DAGLB: variants seen among roughly 807,000 people sequenced by gnomAD.
The protein encoded by DAGLB is diacylglycerol lipase beta.
DAGLB carries 66 observed loss-of-function variants against 72.1 expected under a neutral mutation model. That is an observed-to-expected ratio of 0.92 (90% CI 0.75 to 1.12). The LOEUF is 1.12. Ranked by LOEUF, DAGLB falls within the 50% of genes most tolerant of loss-of-function variation. The probability of loss-of-function intolerance (pLI) is 0.00; values close to 1 mark genes in which losing one functional copy is unlikely to be tolerated. For missense variants in DAGLB, 1,065 were observed against 884.9 expected (o/e 1.20, Z -2.58); for synonymous variants, 414 against 359.5 (o/e 1.15, Z -1.71).
intron 6 of DAGLB, among the ~76,000 whole-genome samples, chr7:6,426,754 T>C (rs1336161824): frequency 6.6e-6 from 1 of 152,106 alleles, no homozygotes; most frequent in East Asian, 1.9e-4. Flanking sequence ...CACAGCCAAC[T>C]CCGTAGAAAA....
chr7:6,447,718 C>T (rs773991490), intron 1 of DAGLB, 30 bp downstream of exon 1: 20 of 1,603,546 alleles, frequency 1.2e-5, no homozygotes, highest in Middle Eastern at 1.7e-4. Context: ...CTCCGGTGGG[C>T]TCCACCGCCC....
At chr7:6,416,381 TA>T in intron 11 of DAGLB, 1 of 388,040 alleles carries the variant, frequency 2.6e-6, no homozygotes. Flanking sequence ...CCACCACTAC[TA>T]AAAATACAAA....
chr7:6,445,886 G>T, intron 2 of DAGLB, 67 bp downstream of exon 2: 2 of 1,472,300 alleles, frequency 1.4e-6, no homozygotes, highest in Non-Finnish European at 1.8e-6. Flanking sequence ...GAATTGTATG[G>T]TATGTGAATT....
chr7:6,417,005 C>T, intron 9 of DAGLB, 84 bp from the exon 10 acceptor site: 1 of 1,455,042 alleles, frequency 6.9e-7, no homozygotes, highest in Non-Finnish European at 9.6e-7. Context: ...TGACGCTGTG[C>T]ACTGATGTGT....
At chr7:6,432,214 T>C (rs535315183) in intron 5 of DAGLB, among the ~76,000 whole-genome samples, 9 of 152,010 alleles carry the variant, frequency 5.9e-5, no homozygotes, top group African/African-American at 2.2e-4. Flanking sequence ...TAGCTGAGTG[T>C]GATGGTATGC....
chr7:6,412,932 C>A, intron 12 of DAGLB, 34 bp downstream of exon 12: 1 of 1,613,298 alleles, frequency 6.2e-7, no homozygotes, highest in East Asian at 2.2e-5. Context: ...ACTCCCAACC[C>A]CCCAGCCCTG....
chr7:6,430,018 T>C (rs1026232949), intron 6 of DAGLB, among the ~76,000 whole-genome samples: 1 of 151,016 alleles, frequency 6.6e-6, no homozygotes, highest in Non-Finnish European at 1.5e-5. Context: ...CACTCCAGCC[T>C]GGGCAACAGA....
At position 6,409,945 on chromosome 7, in the gene DAGLB, G is replaced by A. The variant is rs758645677; in HGVS notation, c.1911C>T (p.Thr637=). ...SKILIGPKML[T]DHMPDILMRA... is the part of the protein sequence containing the mutation. ...GCATCAGGATGTCTGGCATGTGGTC[G>A]GTGAGCATCTTCGGACCTATGAGTA... Residue 637 remains threonine (T), a synonymous_variant, in exon 15 of 15, where the codon ACC becomes ACT. Transcript: ENST00000297056. The A allele has an allele frequency of 2.2e-5, 35 of 1,614,032 alleles. No homozygotes were observed. The highest frequency in any genetic ancestry group is 2.7e-5 in the Non-Finnish European group (32 of 1,180,052).
Position 6,434,929 on chromosome 7 carries a change from T to A in DAGLB, c.511A>T (p.Ser171Cys), listed in dbSNP as rs765378006. ...KMAPYSSAGP[S>C]HLDSHDSSQL... ...CTTGAATCATGACTATCCAGGTGGC[T>A]GGGGCCGGCAGAGGAATATGGAGCC... The change falls in exon 4 of 15, where the codon AGC becomes TGC. Residue 171 changes from serine to cysteine, a missense_variant. Coordinates refer to ENST00000297056, the MANE Select transcript of DAGLB (RefSeq NM_139179.4). The A allele has an allele frequency of 1.9e-6, 3 of 1,614,004 alleles. No individual in the cohort carries two copies. The East Asian group carries it at 6.7e-5, about 36-fold the overall frequency.
Position 6,412,886 on chromosome 7 carries a change from G to A in DAGLB, c.1497-3C>T. ...CTTCCAAGTTGGTCACACTGAGCCTGTTTAGCAAAGGGGCACACTGAGGCT... is the reference window on the plus strand; with the variant it reads ...CTTCCAAGTTGGTCACACTGAGCCTATTTAGCAAAGGGGCACACTGAGGCT... On this transcript the variant is annotated splice_polypyrimidine_tract_variant and splice_region_variant and intron_variant, in intron 12 of 14. Coordinates refer to ENST00000297056, the MANE Select transcript of DAGLB (RefSeq NM_139179.4). 3 of 1,610,342 alleles carry A rather than the reference G, an allele frequency of 1.9e-6. No individual in the cohort carries two copies. The highest frequency in any genetic ancestry group is 2.5e-6 in the Non-Finnish European group (3 of 1,178,100).
intron 13 of DAGLB, among the ~76,000 whole-genome samples, chr7:6,411,867 T>C (rs935748112): frequency 2.6e-5 from 4 of 152,172 alleles, no homozygotes; most frequent in Non-Finnish European, 5.9e-5. Flanking sequence ...TTAAGAATAA[T>C]TTTTAAGTTT....
chr7:6,430,583 C>G lies in DAGLB; in HGVS notation c.826G>C (p.Glu276Gln). Residue 276 changes from glutamate to glutamine, a missense_variant, in exon 6 of 15, where the codon GAA (glutamate) becomes CAA (glutamine). Coordinates refer to ENST00000297056, the MANE Select transcript of DAGLB (RefSeq NM_139179.4). ...SQEADLDAEL[E>Q]NCHHYMQFAA... ...AACTGCATGTAATGATGGCAGTTTT[C>G]TAATTCTGCATCCAGATCAGCTTCC... 2.5e-6 allele frequency: 4 copies of G among 1,603,120 alleles called. No individual in the cohort carries two copies. Among genetic ancestry groups the G allele is most frequent in the Non-Finnish European group, 3.4e-6 (4 of 1,172,962 alleles).
At chr7:6,447,227 T>A (rs993834218) in intron 1 of DAGLB, among the ~76,000 whole-genome samples, 1 of 152,212 alleles carries the variant, frequency 6.6e-6, no homozygotes, top group African/African-American at 2.4e-5. Flanking sequence ...TCCCACTGAT[T>A]CCACACTTTG....
In DAGLB at chr7:6,436,550, G is replaced by T. The variant is rs778964488; in HGVS notation, c.248-17C>A. Reference sequence around the variant, plus strand: ...AAATCGTTCCTGAAATACAAAAAACGTTCCGACTGCTCAGTTGCTTCCTCA... The same window carrying T: ...AAATCGTTCCTGAAATACAAAAAACTTTCCGACTGCTCAGTTGCTTCCTCA... On this transcript the variant is annotated splice_polypyrimidine_tract_variant and intron_variant, in intron 2 of 14. Coordinates refer to ENST00000297056, the MANE Select transcript of DAGLB (RefSeq NM_139179.4). 4 of 1,613,550 alleles carry T rather than the reference G, an allele frequency of 2.5e-6. No homozygotes were observed. Among genetic ancestry groups the T allele is most frequent in the African/African-American group, 1.3e-5 (1 of 74,886 alleles).
intron 9 of DAGLB, among the ~76,000 whole-genome samples, chr7:6,421,172 G>A (rs887854436): frequency 2.6e-5 from 4 of 152,360 alleles, no homozygotes; most frequent in East Asian, 1.9e-4. Context: ...AAGCCACAGA[G>A]CTGGGCTCAA....
In DAGLB at chr7:6,409,660, T is replaced by C. The variant is rs1226282358; in HGVS notation, c.*177A>G. Reference sequence around the variant, plus strand: ...GTGCTCACTACTTCTGCTACCATTATGGCCACAATGACTTCCCATAAACTT... The same window carrying C: ...GTGCTCACTACTTCTGCTACCATTACGGCCACAATGACTTCCCATAAACTT... On this transcript the variant is annotated 3_prime_UTR_variant, in exon 15 of 15. Coordinates refer to ENST00000297056, the MANE Select transcript of DAGLB (RefSeq NM_139179.4). 2.6e-6 allele frequency: 2 copies of C among 757,262 alleles called. No individual in the cohort carries two copies. The highest frequency in any genetic ancestry group is 1.9e-5 in the South Asian group (1 of 53,890). 46.9% of individuals were successfully genotyped at this position (757,262 alleles called of 1,614,324 possible). A position where few individuals can be genotyped will look rare whatever the true frequency, so the allele number is the denominator to read the frequency against.
intron 11 of DAGLB, among the ~76,000 whole-genome samples, chr7:6,416,091 A>C (rs1054211756): frequency 6.6e-6 from 1 of 152,102 alleles, no homozygotes; most frequent in Non-Finnish European, 1.5e-5. Flanking sequence ...GATCCCTACA[A>C]TCTGCTGCTC....
intron 4 of DAGLB, among the ~76,000 whole-genome samples, chr7:6,433,605 C>T (rs540877762): frequency 3.3e-5 from 5 of 152,210 alleles, no homozygotes; most frequent in East Asian, 1.9e-4. Flanking sequence ...TTTGGGAGGC[C>T]GAGGTGGGCG....
At chr7:6,424,623 C>T (rs1784243594) in intron 8 of DAGLB, 129 bp downstream of exon 8, 2 of 852,478 alleles carry the variant, frequency 2.3e-6, no homozygotes, top group Non-Finnish European at 3.8e-6. Context: ...GGCTCACATC[C>T]TCATTTTCTG....
Sources: gnomAD v4.1 joint callset for allele counts (sites outside exome capture counted in the v4.1 genomes callset) on GRCh38, gnomAD v4.1.1 for gene constraint, MANE v1.5 for transcripts, NCBI Gene and HGNC (gene_info 2026-07-23, HGNC 2026-07-21) for gene names.